Variants in ATF2 observed in about 807,000 individuals in gnomAD.
The protein encoded by ATF2 is activating transcription factor 2, also known as cyclic AMP-dependent transcription factor ATF-2.
In ATF2, 24 loss-of-function variants were observed where a neutral mutation model predicts 60.6. The observed-to-expected ratio is 0.40, with a 90% CI of 0.29 to 0.56. ATF2 has a LOEUF of 0.56. Ranked by LOEUF, ATF2 falls within the 20% of genes least tolerant of loss-of-function variation. ATF2 has a pLI of 0.54. For missense variants in ATF2, 433 were observed against 607.7 expected, an observed-to-expected ratio of 0.71 and a Z score of 3.02; for synonymous variants, 206 against 215.4, an observed-to-expected ratio of 0.96 and a Z score of 0.38.
At chr2:175,130,671 AAAAAC>A (rs768067999) in intron 3 of ATF2, among the ~76,000 whole-genome samples, 27 of 152,184 alleles carry the variant, frequency 1.8e-4, no homozygotes, top group Non-Finnish European at 3.4e-4. Flanking sequence ...CAACATGTCT[AAAAAC>A]AAACTCTTAA....
At chr2:175,111,425 A>G in intron 10 of ATF2, 143 bp downstream of exon 10, 1 of 553,852 alleles carries the variant, frequency 1.8e-6, no homozygotes. Context: ...CTTTTTTCAA[A>G]TTTTGTGGTT....
intron 2 of ATF2, among the ~76,000 whole-genome samples, 158 bp downstream of exon 2, chr2:175,150,902 G>A (rs1255031464): frequency 6.6e-6 from 1 of 152,092 alleles, no homozygotes; most frequent in South Asian, 2.1e-4. Flanking sequence ...CAAATTTGCT[G>A]AATCTCAGCA....
At chr2:175,134,526 T>C (rs1697994818) in intron 3 of ATF2, among the ~76,000 whole-genome samples, 1 of 142,244 alleles carries the variant, frequency 7.0e-6, no homozygotes, top group African/African-American at 2.6e-5. Flanking sequence ...AATGCACTCA[T>C]CTGAAAACTG....
At chr2:175,128,677 A>G (rs545501043) in intron 4 of ATF2, among the ~76,000 whole-genome samples, 42 of 152,142 alleles carry the variant, frequency 2.8e-4, no homozygotes, top group Non-Finnish European at 5.3e-4. Context: ...AACAACCATA[A>G]GAGGAAAAAA....
chr2:175,156,745 C>T (rs571421601), intron 1 of ATF2, among the ~76,000 whole-genome samples: 1 of 152,236 alleles, frequency 6.6e-6, no homozygotes, highest in East Asian at 1.9e-4. Flanking sequence ...GCTCTGCCAA[C>T]GCACTCATCT....
chr2:175,082,987 A>T (rs954207091), intron 12 of ATF2, among the ~76,000 whole-genome samples: 1 of 152,132 alleles, frequency 6.6e-6, no homozygotes, highest in Non-Finnish European at 1.5e-5. Flanking sequence ...CTGCTCAATG[A>T]AATAAAAGAG....
intron 10 of ATF2, among the ~76,000 whole-genome samples, chr2:175,104,653 G>A (rs1695525763): frequency 6.6e-6 from 1 of 152,098 alleles, no homozygotes; most frequent in Non-Finnish European, 1.5e-5. Flanking sequence ...TGTGCACTGG[G>A]ATACGAACCC....
At chr2:175,144,761 C>A (rs1052425478) in intron 2 of ATF2, among the ~76,000 whole-genome samples, 2 of 152,162 alleles carry the variant, frequency 1.3e-5, no homozygotes, top group African/African-American at 4.8e-5. Context: ...GAAGGGAAGG[C>A]AGCCTGATGT....
At chr2:175,121,394 C>A in intron 5 of ATF2, 50 bp downstream of exon 5, 1 of 1,289,982 alleles carries the variant, frequency 7.8e-7, no homozygotes, top group Non-Finnish European at 1.1e-6. Context: ...AAATTGTGCA[C>A]ATTCCAGGTG....
intron 2 of ATF2, among the ~76,000 whole-genome samples, chr2:175,146,922 G>A (rs896630030): frequency 1.3e-5 from 2 of 151,930 alleles, no homozygotes; most frequent in Non-Finnish European, 2.9e-5. Flanking sequence ...AATTAGCATC[G>A]ATGTAGTTTG....
chr2:175,084,312 C>G (rs1380200490), intron 12 of ATF2, among the ~76,000 whole-genome samples: 2 of 151,656 alleles, frequency 1.3e-5, no homozygotes, highest in Non-Finnish European at 2.9e-5. Context: ...ACTATGCAGC[C>G]ATAAAAAATG....
intron 10 of ATF2, among the ~76,000 whole-genome samples, chr2:175,107,715 G>T (rs993447503): frequency 6.6e-6 from 1 of 152,218 alleles, no homozygotes; most frequent in Non-Finnish European, 1.5e-5. Flanking sequence ...GCAGGCGCGC[G>T]CCGCCACGCC....
At chr2:175,104,046 CT>C (rs36010749) in intron 10 of ATF2, among the ~76,000 whole-genome samples, 9,417 of 142,012 alleles carry the variant, frequency 0.066, 526 homozygotes, top group African/African-American at 0.17. Context: ...ACTCTGAAGA[CT>C]TTTTTTTTTT....
Position 175,074,520 on chromosome 2 carries a change from G to C in ATF2, c.*89C>G. Reference sequence around the variant, plus strand: ...TAAAAAAAAAAAATTTACAACCACAGATTTCGCATAAATGGAAACTGGTCT... The same window carrying C: ...TAAAAAAAAAAAATTTACAACCACACATTTCGCATAAATGGAAACTGGTCT... On this transcript the variant is annotated 3_prime_UTR_variant, in exon 14 of 14. Transcript: ENST00000264110. The C allele has an allele frequency of 2.1e-6, 3 of 1,431,860 alleles. No individual in the cohort carries two copies. Among genetic ancestry groups the C allele is most frequent in the Non-Finnish European group, 1.9e-6 (2 of 1,075,590 alleles). 88.7% of individuals were successfully genotyped at this position (1,431,860 alleles called of 1,614,324 possible). A position where few individuals can be genotyped will look rare whatever the true frequency, so the allele number is the denominator to read the frequency against.
chr2:175,136,044 T>C (rs1378592192), intron 3 of ATF2, among the ~76,000 whole-genome samples: 3 of 149,648 alleles, frequency 2.0e-5, no homozygotes, highest in African/African-American at 7.3e-5. Flanking sequence ...GGCAGGACTC[T>C]TCACAGTCTT....
chr2:175,078,002 CTGT>C (rs1335377714), intron 13 of ATF2, among the ~76,000 whole-genome samples: 1 of 152,186 alleles, frequency 6.6e-6, no homozygotes, highest in East Asian at 1.9e-4. Flanking sequence ...TAGGGTCTCC[CTGT>C]CGCCCAGGCT....
intron 13 of ATF2, among the ~76,000 whole-genome samples, chr2:175,075,434 A>T (rs949095083): frequency 1.3e-5 from 2 of 152,280 alleles, no homozygotes; most frequent in Middle Eastern, 3.4e-3. Flanking sequence ...TAGTTGCATG[A>T]ATAAATTGGG....
chr2:175,126,714 T>C (rs1361370655), intron 4 of ATF2: 3 of 152,178 alleles, frequency 2.0e-5, no homozygotes, highest in African/African-American at 7.2e-5. Context: ...ATTCTAACTA[T>C]TTTAAGCAGA....
At chr2:175,153,509 G>T (rs1000736534) in intron 1 of ATF2, among the ~76,000 whole-genome samples, 4 of 152,086 alleles carry the variant, frequency 2.6e-5, no homozygotes, top group Non-Finnish European at 5.9e-5. Context: ...CACAGAAAGA[G>T]TACAGTAAAA....
Sources: gnomAD v4.1 joint callset for allele counts (sites outside exome capture counted in the v4.1 genomes callset) on GRCh38, gnomAD v4.1.1 for gene constraint, MANE v1.5 for transcripts, NCBI Gene and HGNC (gene_info 2026-07-23, HGNC 2026-07-21) for gene names.